The following COG5 variants were observed in gnomAD, a reference collection of about 807,000 sequenced individuals.
COG5 encodes the protein component of oligomeric golgi complex 5, also known as conserved oligomeric Golgi complex subunit 5.
Under a neutral mutation model 110.4 loss-of-function variants are expected in COG5, and 86 were observed. That is an observed-to-expected ratio of 0.78 (90% CI 0.65 to 0.93). COG5 has a LOEUF of 0.93. COG5 is among the 40% of genes least tolerant of loss of function. The pLI, the probability that COG5 is intolerant of heterozygous loss-of-function variation, is 0.00. For synonymous variants in COG5, 360 were observed against 334.6 expected, an observed-to-expected ratio of 1.08 and a Z score of -0.83; for missense variants, 1,077 against 987.0, an observed-to-expected ratio of 1.09 and a Z score of -1.22.
rs567738397 is a variant in COG5 at position 107,247,208 on chromosome 7, G to A, written c.1853+1188C>T. On this transcript the variant is annotated intron_variant, in intron 17 of 21. Transcript: ENST00000297135. ...ACAAAGAAGGAAACAACAGACACTG[G>A]GGTCGACTTGACAGGGGAGGGTGGG... Among the ~76,000 whole-genome samples, 4 of 152,192 alleles carry A rather than the reference G, an allele frequency of 2.6e-5. No individual in the cohort carries two copies. The South Asian group carries it at 8.3e-4, about 32-fold the overall frequency.
chr7:107,494,711 T>A (rs1798165341), intron 6 of COG5, among the ~76,000 whole-genome samples: 1 of 152,150 alleles, frequency 6.6e-6, no homozygotes, highest in African/African-American at 2.4e-5. Context: ...ATAACTGCAT[T>A]TGAAGGCGAC....
chr7:107,399,597 G>A (rs546527217), intron 7 of COG5, among the ~76,000 whole-genome samples: 12 of 152,172 alleles, frequency 7.9e-5, no homozygotes, highest in Non-Finnish European at 1.0e-4. Context: ...CCAGTTCTGC[G>A]GAAATATGAG....
At chr7:107,239,587 AAT>A (rs1801458485) in intron 17 of COG5, among the ~76,000 whole-genome samples, 1 of 152,198 alleles carries the variant, frequency 6.6e-6, no homozygotes, top group South Asian at 2.1e-4. Context: ...ATGAACACAG[AAT>A]ATGTTTCCAT....
intron 6 of COG5, among the ~76,000 whole-genome samples, chr7:107,442,515 G>T (rs1201302914): frequency 1.3e-5 from 2 of 149,526 alleles, no homozygotes; most frequent in African/African-American, 4.9e-5. Flanking sequence ...AAATACTTAT[G>T]CACTAAAGGT....
At chr7:107,317,003 A>C (rs1436157925) in intron 11 of COG5, among the ~76,000 whole-genome samples, 3 of 152,112 alleles carry the variant, frequency 2.0e-5, no homozygotes, top group Non-Finnish European at 2.9e-5. Context: ...ACCATAAGCA[A>C]AAGTTTCTCA....
chr7:107,210,333 C>G (rs1799071359), intron 21 of COG5, 193 bp downstream of exon 21: 1 of 1,431,964 alleles, frequency 7.0e-7, no homozygotes. Context: ...TGAAAGAAAG[C>G]AAAAGATGTT....
At chr7:107,217,086 G>A (rs903403113) in intron 19 of COG5, among the ~76,000 whole-genome samples, 15 of 152,056 alleles carry the variant, frequency 9.9e-5, no homozygotes, top group African/African-American at 3.6e-4. Flanking sequence ...CGATTACTAT[G>A]ACAAATCATA....
intron 14 of COG5, chr7:107,258,604 G>C (rs1020047535): frequency 8.7e-6 from 5 of 577,816 alleles, no homozygotes; most frequent in Non-Finnish European, 1.5e-5. Context: ...AAACACCATG[G>C]ATGTGGAAGC....
intron 6 of COG5, among the ~76,000 whole-genome samples, chr7:107,501,272 T>C (rs539854544): frequency 6.6e-6 from 1 of 152,110 alleles, no homozygotes; most frequent in East Asian, 1.9e-4. Context: ...TTGAGAACTA[T>C]TGGCATAAGC....
intron 1 of COG5, chr7:107,563,549 G>T (rs1165968078): frequency 2.6e-5 from 13 of 492,112 alleles, no homozygotes; most frequent in East Asian, 1.5e-4. Context: ...AGGCATGGGG[G>T]GGGGGGGGGT....
chr7:107,526,545 C>T (rs959806054), intron 6 of COG5, among the ~76,000 whole-genome samples: 19 of 152,194 alleles, frequency 1.2e-4, no homozygotes, highest in Admixed American at 3.9e-4. Flanking sequence ...ATGTTAAAAA[C>T]AGCATTTCTC....
At chr7:107,452,835 C>A (rs1386001811) in intron 6 of COG5, among the ~76,000 whole-genome samples, 2 of 152,212 alleles carry the variant, frequency 1.3e-5, no homozygotes, top group Non-Finnish European at 2.9e-5. Flanking sequence ...GTATGATACA[C>A]TTTCACCAAT....
chr7:107,218,354 T>C (rs1353097820), intron 19 of COG5, among the ~76,000 whole-genome samples: 1 of 152,094 alleles, frequency 6.6e-6, no homozygotes, highest in Non-Finnish European at 1.5e-5. Context: ...AACATAATCC[T>C]AAAATTCATA....
intron 11 of COG5, among the ~76,000 whole-genome samples, chr7:107,313,996 A>G (rs1289116997): frequency 6.6e-6 from 1 of 152,168 alleles, no homozygotes; most frequent in Non-Finnish European, 1.5e-5. Context: ...GAAATCACCC[A>G]AATGCTCATC....
rs1317784148 is a variant in COG5, at chr7:107,411,389, G to A, written c.669+1113C>T. Among the ~76,000 whole-genome samples the A allele has an allele frequency of 3.3e-5, 5 of 151,822 alleles. No individual in the cohort carries two copies. The East Asian group carries it at 9.6e-4, about 29-fold the overall frequency. ...CGGTGTAACAGTTTCATCCTTACAG[G>A]GAGACCTAGAGTTAAAACATAATTG... On this transcript the variant is annotated intron_variant, in intron 7 of 21. Transcript: ENST00000297135.
chr7:107,296,581 C>CTTTT (rs35340234), intron 12 of COG5, among the ~76,000 whole-genome samples: 54 of 123,486 alleles, frequency 4.4e-4, no homozygotes, highest in Non-Finnish European at 7.1e-4. Context: ...CAAAACTACT[C>CTTTT]TTTTTTTTTT....
intron 6 of COG5, among the ~76,000 whole-genome samples, chr7:107,488,582 C>T (rs1797791999): frequency 1.3e-5 from 2 of 152,122 alleles, no homozygotes; most frequent in African/African-American, 2.4e-5. Flanking sequence ...TGGTAGCTCA[C>T]GCCTGTAATC....
rs768077120 is a variant in COG5, at chr7:107,474,742, T to C, written c.538+52495A>G. On this transcript the variant is annotated intron_variant, in intron 6 of 21. Transcript: ENST00000297135. The surrounding 1 kb of genome is among the most constrained non-coding windows in gnomAD (Gnocchi z 5.7). ...ATTCTTTTTCACTGTTGTAGTAATGTTAATCACATACACCAAAATACTTCA... is the reference window on the plus strand; with the variant it reads ...ATTCTTTTTCACTGTTGTAGTAATGCTAATCACATACACCAAAATACTTCA... 4 of 1,610,696 alleles carry C rather than the reference T, an allele frequency of 2.5e-6. No homozygotes were observed. In the South Asian group the frequency reaches 4.4e-5, roughly 18 times the overall value.
At chr7:107,291,001 C>G (rs1806122495) in intron 12 of COG5, among the ~76,000 whole-genome samples, 1 of 152,134 alleles carries the variant, frequency 6.6e-6, no homozygotes, top group Non-Finnish European at 1.5e-5. Flanking sequence ...TTGTCCCTGA[C>G]TTTTGACATT....
Sources: allele counts gnomAD v4.1 joint callset (sites outside exome capture counted in the v4.1 genomes callset), GRCh38; gene constraint gnomAD v4.1.1; non-coding constraint Gnocchi (gnomAD v3.1); transcripts MANE v1.5; gene names NCBI Gene and HGNC (gene_info 2026-07-23, HGNC 2026-07-21).